Variants in MYO5A observed in about 807,000 individuals in gnomAD.
MYO5A encodes unconventional myosin-Va.
MYO5A carries 98 observed loss-of-function variants against 249.7 expected under a neutral mutation model. The observed-to-expected ratio is 0.39, with a 90% CI of 0.33 to 0.46. The LOEUF (loss-of-function observed/expected upper bound fraction) is 0.46, where lower values mean the gene tolerates loss of function less well. Ranked by LOEUF, MYO5A falls within the 20% of genes least tolerant of loss-of-function variation. The pLI, the probability that MYO5A is intolerant of heterozygous loss-of-function variation, is 0.98. For missense variants in MYO5A, 1,696 were observed against 2,308.8 expected, an observed-to-expected ratio of 0.73 and a Z score of 5.44; for synonymous variants, 778 against 810.6, an observed-to-expected ratio of 0.96 and a Z score of 0.68.
At chr15:52,475,458 T>C (rs1200180821) in intron 1 of MYO5A, among the ~76,000 whole-genome samples, 2 of 152,230 alleles carry the variant, frequency 1.3e-5, no homozygotes, top group Admixed American at 6.5e-5. Context: ...CTTGTTTCTC[T>C]AGTTCTTTTA....
At chr15:52,315,464 T>A (rs2037956161) in intron 40 of MYO5A, among the ~76,000 whole-genome samples, 1 of 152,054 alleles carries the variant, frequency 6.6e-6, no homozygotes, top group Non-Finnish European at 1.5e-5. Flanking sequence ...CACTTCTGCC[T>A]CCCAGGTTCA....
chr15:52,340,412 G>T lies in MYO5A; in HGVS notation c.4041-18C>A, dbSNP rs1252689438. 1.2e-6 allele frequency: 2 copies of T among 1,608,234 alleles called. No individual in the cohort carries two copies. Among genetic ancestry groups the T allele is most frequent in the African/African-American group, 1.3e-5 (1 of 74,914 alleles). On this transcript the variant is annotated intron_variant, in intron 31 of 41. Coordinates refer to ENST00000399233, the MANE Select transcript of MYO5A (RefSeq NM_001382347.1). ...CCAGGAGCCTGCGGAGAGGACACAT[G>T]GGTCGGAAGGGGAGACGACACCCCG... is the stretch of plus-strand genomic sequence containing the variant.
At chr15:52,478,705 A>G (rs2076651283) in intron 1 of MYO5A, among the ~76,000 whole-genome samples, 2 of 152,210 alleles carry the variant, frequency 1.3e-5, no homozygotes, top group African/African-American at 4.8e-5. Flanking sequence ...ACACAATGAA[A>G]AATACGTGAG....
chr15:52,507,822 GT>G (rs1223951214), intron 1 of MYO5A, among the ~76,000 whole-genome samples: 10 of 109,508 alleles, frequency 9.1e-5, no homozygotes, highest in Admixed American at 7.0e-4. Flanking sequence ...AAAAAAAAAA[GT>G]GTAATAACTA....
At chr15:52,470,141 G>A (rs1326489501) in intron 1 of MYO5A, among the ~76,000 whole-genome samples, 1 of 152,158 alleles carries the variant, frequency 6.6e-6, no homozygotes, top group Non-Finnish European at 1.5e-5. Flanking sequence ...CACTGATGAC[G>A]TTCCCTCTGT....
rs371474632 is a variant in MYO5A, at chr15:52,405,273, T to A, written c.1053+14A>T. The A allele has an allele frequency of 2.9e-4, 461 of 1,575,318 alleles. No homozygotes were observed. Among genetic ancestry groups the A allele is most frequent in the Middle Eastern group, 1.7e-3 (10 of 6,004 alleles). On this transcript the variant is annotated intron_variant, in intron 9 of 41. Coordinates refer to ENST00000399233, the MANE Select transcript of MYO5A (RefSeq NM_001382347.1). ...ATTCAACTGCCATCCCACTAAAGCTTATTCTGAACTTACAGGTATTGTGCA... is the reference window on the plus strand; with the variant it reads ...ATTCAACTGCCATCCCACTAAAGCTAATTCTGAACTTACAGGTATTGTGCA...
chr15:52,362,340 C>A (rs996189634), intron 24 of MYO5A, among the ~76,000 whole-genome samples: 2 of 152,184 alleles, frequency 1.3e-5, no homozygotes, highest in African/African-American at 4.8e-5. Context: ...ATTTACAGAA[C>A]AGCGTCAGTC....
intron 1 of MYO5A, among the ~76,000 whole-genome samples, chr15:52,523,540 G>A (rs769161613): frequency 4.6e-5 from 7 of 152,186 alleles, no homozygotes; most frequent in African/African-American, 1.7e-4. Flanking sequence ...AGTATCGTGG[G>A]AGTGGTAAAC....
Position 52,340,322 on chromosome 15 carries a change from G to C in MYO5A, c.4113C>G (p.Ile1371Met), listed in dbSNP as rs1279393077. The change falls in exon 32 of 42, where the codon ATC becomes ATG. Residue 1371 changes from isoleucine (I) to methionine (M), a missense_variant. Physicochemically the swap from Ile to Met is conservative, Grantham distance 10 (BLOSUM62 1). This residue lies in a region of MYO5A where 625 missense variants were observed against 908.1 expected (regional missense o/e 0.69). Transcript: ENST00000399233. ...GGTTGTTCTCCTCCTTCAGGCTCTGGATCTCCCCACGGAGGGCCTCGGCCT... is the reference window on the plus strand; with the variant it reads ...GGTTGTTCTCCTCCTTCAGGCTCTGCATCTCCCCACGGAGGGCCTCGGCCT... ...ENEAEALRGE[I>M]QSLKEENNRQ... is the part of the protein sequence containing the mutation. 2 of 1,613,976 alleles carry C rather than the reference G, an allele frequency of 1.2e-6. No individual in the cohort carries two copies. The highest frequency in any genetic ancestry group is 1.7e-6 in the Non-Finnish European group (2 of 1,180,032).
In MYO5A at chr15:52,353,752, C is replaced by T. The variant is rs2040066449; in HGVS notation, c.3568-94G>A. On this transcript the variant is annotated intron_variant, in intron 26 of 41. Transcript: ENST00000399233. Reference sequence around the variant, plus strand: ...CCGAAAACAGTGAAGAGAGTTTAGCCCTCACTACTTTAACCAAGTGGTGCT... The same window carrying T: ...CCGAAAACAGTGAAGAGAGTTTAGCTCTCACTACTTTAACCAAGTGGTGCT... 1.9e-6 allele frequency: 3 copies of T among 1,586,726 alleles called. No homozygotes were observed. In the South Asian group the frequency reaches 3.3e-5, roughly 18 times the overall value.
chr15:52,413,201 A>G (rs1300110107), intron 5 of MYO5A, among the ~76,000 whole-genome samples: 1 of 149,624 alleles, frequency 6.7e-6, no homozygotes, highest in Non-Finnish European at 1.5e-5. Context: ...AGTGGCTCAC[A>G]CCCATAATCC....
At chr15:52,440,089 T>G (rs899190225) in intron 1 of MYO5A, among the ~76,000 whole-genome samples, 3 of 152,242 alleles carry the variant, frequency 2.0e-5, no homozygotes, top group Admixed American at 2.0e-4. Context: ...TGAGGTAATT[T>G]TGACAGAGTC....
rs551640514 is a variant in MYO5A at position 52,352,876 on chromosome 15, A to C, written c.3621+729T>G. On this transcript the variant is annotated intron_variant, in intron 27 of 41. Coordinates refer to ENST00000399233, the MANE Select transcript of MYO5A (RefSeq NM_001382347.1). ...AACCCTTTCTTTCATGAATTAATCTATTCTTTTGTAAAAATGAATGCTCTC... is the reference window on the plus strand; with the variant it reads ...AACCCTTTCTTTCATGAATTAATCTCTTCTTTTGTAAAAATGAATGCTCTC... Among the ~76,000 whole-genome samples the C allele has an allele frequency of 1.8e-4, 27 of 152,304 alleles. No homozygotes were observed. The South Asian group carries it at 5.2e-3, about 29-fold the overall frequency.
intron 25 of MYO5A, among the ~76,000 whole-genome samples, chr15:52,357,653 T>C (rs528358754): frequency 7.9e-5 from 12 of 152,108 alleles, no homozygotes; most frequent in African/African-American, 2.7e-4. Flanking sequence ...TATTTAAGAG[T>C]GCTCCCGATG....
chr15:52,497,516 G>A (rs1384437540), intron 1 of MYO5A, among the ~76,000 whole-genome samples: 1 of 151,376 alleles, frequency 6.6e-6, no homozygotes, highest in Non-Finnish European at 1.5e-5. Context: ...TAGTGCTTTG[G>A]AAGGCTGAGG....
rs570060215 is a variant in MYO5A, at chr15:52,308,951, C to A, written c.*4745G>T. ...ACACCCCTCCTAGCACCCATCAACA[C>A]CTACGGCATGCACACACTGCAGTGC... On this transcript the variant is annotated 3_prime_UTR_variant, in exon 42 of 42. Transcript: ENST00000399233. The A allele has an allele frequency of 4.6e-5, 7 of 153,030 alleles. No individual in the cohort carries two copies. Among genetic ancestry groups the A allele is most frequent in the African/African-American group, 1.7e-4 (7 of 41,590 alleles). The allele number at this position is 153,030 out of a possible 1,614,324, so 9.5% of individuals were successfully genotyped here.
chr15:52,440,519 C>T (rs955186764), intron 1 of MYO5A, among the ~76,000 whole-genome samples: 1 of 152,214 alleles, frequency 6.6e-6, no homozygotes, highest in African/African-American at 2.4e-5. Context: ...CTGCCCACCT[C>T]GGCCTCTCAA....
chr15:52,406,151 T>A (rs941612334), intron 8 of MYO5A, among the ~76,000 whole-genome samples: 1 of 152,212 alleles, frequency 6.6e-6, no homozygotes, highest in African/African-American at 2.4e-5. Flanking sequence ...AAATTAGCTA[T>A]AATTACATGC....
intron 1 of MYO5A, among the ~76,000 whole-genome samples, chr15:52,524,590 T>TAAAA (rs1311873573): frequency 9.4e-4 from 138 of 147,512 alleles, no homozygotes; most frequent in Non-Finnish European, 1.6e-3. Flanking sequence ...AATAAATAAA[T>TAAAA]AAAATAGGCT....
Sources: allele counts gnomAD v4.1 joint callset (sites outside exome capture counted in the v4.1 genomes callset), GRCh38; gene constraint gnomAD v4.1.1; regional missense constraint gnomAD v4.1.1; transcripts MANE v1.5; gene names NCBI Gene and HGNC (gene_info 2026-07-23, HGNC 2026-07-21).